SPI1: variants seen among roughly 807,000 people sequenced by gnomAD.
The protein encoded by SPI1 is Spi-1 proto-oncogene.
A neutral mutation model predicts 30.7 loss-of-function variants in SPI1; 3 were observed. The ratio of observed to expected loss-of-function variants is 0.10; its 90% confidence interval spans 0.04 to 0.25. The LOEUF is 0.25. Ranked by LOEUF, SPI1 falls within the 10% of genes least tolerant of loss-of-function variation. The probability of loss-of-function intolerance (pLI) is 1.00; values close to 1 mark genes in which losing one functional copy is unlikely to be tolerated. For missense variants in SPI1, 261 were observed against 371.5 expected (o/e 0.70, Z 2.45); for synonymous variants, 169 against 157.1 (o/e 1.08, Z -0.56).
At chr11:47,364,873 G>C (rs932142265) in intron 2 of SPI1, among the ~76,000 whole-genome samples, 2 of 152,146 alleles carry the variant, frequency 1.3e-5, no homozygotes, top group Non-Finnish European at 2.9e-5. Flanking sequence ...CTGGGACTCT[G>C]CATCTAAAGC....
At chr11:47,356,389 CCACTCACATG>C (rs2095909345) in intron 4 of SPI1, among the ~76,000 whole-genome samples, 1 of 149,886 alleles carries the variant, frequency 6.7e-6, no homozygotes, top group Admixed American at 6.7e-5. Context: ...TCATTCACAC[CCACTCACATG>C]CACACTCACA....
At chr11:47,357,407 A>C (rs1432312912) in intron 4 of SPI1, among the ~76,000 whole-genome samples, 1 of 152,014 alleles carries the variant, frequency 6.6e-6, no homozygotes, top group African/African-American at 2.4e-5. Flanking sequence ...CATTCTGCTC[A>C]TGCATATCCA....
chr11:47,358,292 ATCAC>A (rs2095915091), intron 4 of SPI1: 7 of 410,096 alleles, frequency 1.7e-5, no homozygotes, highest in South Asian at 5.5e-5. Flanking sequence ...ACTCACACAT[ATCAC>A]TCACACATGC....
At chr11:47,356,868 C>T (rs532983221) in intron 4 of SPI1, among the ~76,000 whole-genome samples, 1 of 146,922 alleles carries the variant, frequency 6.8e-6, no homozygotes, top group Non-Finnish European at 1.5e-5. Flanking sequence ...TCACACACAT[C>T]TCACATTACT....
At chr11:47,376,818 G>GGTA (rs2095943015) in intron 1 of SPI1, among the ~76,000 whole-genome samples, 2 of 152,128 alleles carry the variant, frequency 1.3e-5, no homozygotes, top group Admixed American at 1.3e-4. Flanking sequence ...TTGGGGGACC[G>GGTA]GGGCTGCCTT....
At position 47,358,938 on chromosome 11, in the gene SPI1, C is replaced by T. The variant is rs769009489; in HGVS notation, c.399G>A (p.Glu133=). ...GGGGGCTCTGCCGCTCGCCCTCCTCCTCATCTGAGCTGGGCTGGGCTGGGG... is the reference window on the plus strand; with the variant it reads ...GGGGGCTCTGCCGCTCGCCCTCCTCTTCATCTGAGCTGGGCTGGGCTGGGG... ...SLSPAQPSSD[E]EEGERQSPPL... Residue 133 remains glutamate (E), a synonymous_variant, in exon 4 of 5, where the codon GAG becomes GAA. Transcript: ENST00000378538. 3 of 1,565,890 alleles carry T rather than the reference C, an allele frequency of 1.9e-6. No individual in the cohort carries two copies. Among genetic ancestry groups the T allele is most frequent in the East Asian group, 2.3e-5 (1 of 44,192 alleles).
chr11:47,365,736 G>A (rs763619166), intron 2 of SPI1, among the ~76,000 whole-genome samples: 2 of 152,016 alleles, frequency 1.3e-5, no homozygotes, highest in South Asian at 2.1e-4. Context: ...TCATGCTTTC[G>A]CCCAGACTGG....
chr11:47,378,444 G>A lies in SPI1; in HGVS notation c.-91C>T, dbSNP rs531697987. 72 of 1,441,202 alleles carry A rather than the reference G, an allele frequency of 5.0e-5. No individual in the cohort carries two copies. The African/African-American group carries it at 6.0e-4, about 12-fold the overall frequency. The allele number at this position is 1,441,202 out of a possible 1,614,324, so 89.3% of individuals were successfully genotyped here. Reference sequence around the variant, plus strand: ...TGGGGTGCCCCGTCAGGGGCTGGACGGTCGTGGGGCGGGTGCAGGGCTCAG... The same window carrying A: ...TGGGGTGCCCCGTCAGGGGCTGGACAGTCGTGGGGCGGGTGCAGGGCTCAG... On this transcript the variant is annotated 5_prime_UTR_variant, in exon 1 of 5. Transcript: ENST00000378538.
intron 4 of SPI1, 76 bp from the exon 5 acceptor site, chr11:47,355,622 AGGGGCCC>A (rs1302196186): frequency 8.0e-7 from 1 of 1,251,142 alleles, no homozygotes; most frequent in Non-Finnish European, 1.1e-6. Flanking sequence ...GCGTACGCAC[AGGGGCCC>A]GGGGACGGGG....
intron 2 of SPI1, among the ~76,000 whole-genome samples, chr11:47,369,150 G>A (rs2095932347): frequency 1.3e-5 from 2 of 152,290 alleles, no homozygotes; most frequent in Admixed American, 1.3e-4. Flanking sequence ...TACTCGGGAG[G>A]CTGAGGCAGG....
Position 47,359,057 on chromosome 11 carries a change from CA to C in SPI1, c.331-52del, listed in dbSNP as rs1403254806. ...AGTCAGGAAGGGCCAGCTTACAGCT[CA>C]GGGGGGCTGGGAGGGAGGTCAGCTG... On this transcript the variant is annotated intron_variant, in intron 3 of 4. Transcript: ENST00000378538. This position sits in a 1 kb window ranked among gnomAD's most constrained non-coding sequence, Gnocchi z 5.1. 7 of 1,490,468 alleles carry C rather than the reference CA, an allele frequency of 4.7e-6. No homozygotes were observed. The highest frequency in any genetic ancestry group is 6.3e-6 in the Non-Finnish European group (7 of 1,118,538). 92.3% of individuals were successfully genotyped at this position (1,490,468 alleles called of 1,614,324 possible). A position where few individuals can be genotyped will look rare whatever the true frequency, so the allele number is the denominator to read the frequency against.
Position 47,355,168 on chromosome 11 carries a change from G to A in SPI1, c.*59C>T, listed in dbSNP as rs904851685. 1 of 1,245,078 alleles carries A rather than the reference G, an allele frequency of 8.0e-7. No individual in the cohort carries two copies. Among genetic ancestry groups the A allele is most frequent in the Non-Finnish European group, 1.0e-6 (1 of 989,180 alleles). 77.1% of individuals were successfully genotyped at this position (1,245,078 alleles called of 1,614,324 possible). On this transcript the variant is annotated 3_prime_UTR_variant, in exon 5 of 5. Transcript: ENST00000378538. ...CGTCCTCCCTGTGTCCGGGCCGGGC[G>A]AGGGCTTAATGCTATGGCCAGCGGG...
chr11:47,377,425 C>T (rs561126405), intron 1 of SPI1, among the ~76,000 whole-genome samples: 67 of 152,194 alleles, frequency 4.4e-4, no homozygotes, highest in African/African-American at 1.4e-3. Context: ...GGGTCCTTTC[C>T]GAGGGACCCT....
Position 47,357,481 on chromosome 11 carries a change from TCACA to T in SPI1, c.493+1359_493+1362del, listed in dbSNP as rs538279687. Among the ~76,000 whole-genome samples, 10 of 151,804 alleles carry T rather than the reference TCACA, an allele frequency of 6.6e-5. No homozygotes were observed. In the South Asian group the frequency reaches 1.3e-3, roughly 19 times the overall value. On this transcript the variant is annotated intron_variant, in intron 4 of 4. Transcript: ENST00000378538. ...GACACCTACTTGCACACTCAAATGC[TCACA>T]CACATTCTGCTCTCACATCCACTCA...
chr11:47,373,268 C>T (rs960409407), intron 2 of SPI1, among the ~76,000 whole-genome samples: 2 of 152,102 alleles, frequency 1.3e-5, no homozygotes, highest in Non-Finnish European at 2.9e-5. Flanking sequence ...AGGAGAATCG[C>T]TTGAATCCGG....
intron 4 of SPI1, among the ~76,000 whole-genome samples, chr11:47,357,278 C>T (rs1235990072): frequency 2.5e-5 from 2 of 78,870 alleles, no homozygotes; most frequent in Non-Finnish European, 5.4e-5. Context: ...TCACACCTCA[C>T]AGCTGCTCAC....
At position 47,374,053 on chromosome 11, in the gene SPI1, A is replaced by C. The variant is rs1661183859; in HGVS notation, c.142+1580T>G. ...AGGGAGAATGCGTCCTTGTTGGAGG[A>C]GGCCTGACAGCACTGTCTGTGGTGA... On this transcript the variant is annotated intron_variant, in intron 2 of 4. Coordinates refer to ENST00000378538, the MANE Select transcript of SPI1 (RefSeq NM_003120.3). The surrounding 1 kb of genome is among the most constrained non-coding windows in gnomAD (Gnocchi z 4.5). Among the ~76,000 whole-genome samples the C allele has an allele frequency of 6.6e-6, 1 of 152,160 alleles. No homozygotes were observed. Among genetic ancestry groups the C allele is most frequent in the Non-Finnish European group, 1.5e-5 (1 of 68,024 alleles).
intron 2 of SPI1, among the ~76,000 whole-genome samples, chr11:47,364,263 G>T (rs552322307): frequency 6.6e-6 from 1 of 152,048 alleles, no homozygotes; most frequent in Admixed American, 6.5e-5. Flanking sequence ...TGTTAGCCAG[G>T]ATGGTCGCGA....
rs748448119 is a variant in SPI1 at position 47,359,811 on chromosome 11, C to T, written c.330+42G>A. On this transcript the variant is annotated intron_variant, in intron 3 of 4. Transcript: ENST00000378538. This position sits in a 1 kb window ranked among gnomAD's most constrained non-coding sequence, Gnocchi z 5.1. ...TGAAGCTCCCGGGCCCCACCACAGG[C>T]CTGGCAGTCTCCTGGGGGACGGGGC... 24 of 1,592,058 alleles carry T rather than the reference C, an allele frequency of 1.5e-5. No homozygotes were observed. The highest frequency in any genetic ancestry group is 6.0e-6 in the Non-Finnish European group (7 of 1,174,158).
Sources: gnomAD v4.1 joint callset for allele counts (sites outside exome capture counted in the v4.1 genomes callset) on GRCh38, gnomAD v4.1.1 for gene constraint, Gnocchi (gnomAD v3.1) non-coding constraint, MANE v1.5 for transcripts, NCBI Gene and HGNC (gene_info 2026-07-23, HGNC 2026-07-21) for gene names.